The following MYO1B variants were observed in gnomAD, a reference collection of about 807,000 sequenced individuals.
MYO1B encodes myosin IB, also known as unconventional myosin-Ib.
MYO1B carries 72 observed loss-of-function variants against 159.7 expected under a neutral mutation model. The observed-to-expected ratio is 0.45, with a 90% CI of 0.37 to 0.55. The LOEUF (loss-of-function observed/expected upper bound fraction) is 0.55. MYO1B is among the 20% of genes least tolerant of loss of function. The pLI is 0.00. For synonymous variants in MYO1B, 468 were observed against 473.8 expected (o/e 0.99, Z 0.16); for missense variants, 1,062 against 1,364.8 (o/e 0.78, Z 3.50).
chr2:191,421,564 C>T (rs571314336), intron 30 of MYO1B, among the ~76,000 whole-genome samples: 2 of 152,190 alleles, frequency 1.3e-5, no homozygotes, highest in South Asian at 2.1e-4. Flanking sequence ...CCTCCTCTGC[C>T]TCCTAGCTGC....
In MYO1B at chr2:191,350,159, C is replaced by T. The variant is rs748283387; in HGVS notation, c.499-3C>T. ...GAAAACTCACAAAATCTTTCTTTGGCAGGGCAAATATATGGATATTGAATT... is the reference window on the plus strand; with the variant it reads ...GAAAACTCACAAAATCTTTCTTTGGTAGGGCAAATATATGGATATTGAATT... On this transcript the variant is annotated splice_polypyrimidine_tract_variant and splice_region_variant and intron_variant, in intron 6 of 30. Coordinates refer to ENST00000392318, the MANE Select transcript of MYO1B (RefSeq NM_001130158.3). 1 of 1,611,980 alleles carries T rather than the reference C, an allele frequency of 6.2e-7. No homozygotes were observed. The highest frequency in any genetic ancestry group is 1.1e-5 in the South Asian group (1 of 90,994).
chr2:191,393,491 C>T (rs1207958401), intron 20 of MYO1B, among the ~76,000 whole-genome samples: 6 of 152,282 alleles, frequency 3.9e-5, no homozygotes, highest in South Asian at 2.1e-4. Context: ...TGTGCCATAC[C>T]GCCTTTCACT....
intron 3 of MYO1B, among the ~76,000 whole-genome samples, chr2:191,305,644 A>C (rs960450720): frequency 1.3e-5 from 2 of 152,236 alleles, no homozygotes; most frequent in Non-Finnish European, 2.9e-5. Context: ...CTGATAAATA[A>C]ATACCGAAGG....
At chr2:191,265,642 T>C (rs955153753) in intron 1 of MYO1B, among the ~76,000 whole-genome samples, 1 of 151,876 alleles carries the variant, frequency 6.6e-6, no homozygotes, top group African/African-American at 2.4e-5. Context: ...CACTTAGGGG[T>C]TCCGGGGTCT....
At chr2:191,276,763 G>A in intron 1 of MYO1B, 124 bp from the exon 2 acceptor site, 1 of 1,164,032 alleles carries the variant, frequency 8.6e-7, no homozygotes, top group Non-Finnish European at 1.2e-6. Context: ...GAGAGGTTAT[G>A]ACATTTTTTA....
chr2:191,305,569 TGAG>T (rs1689600670), intron 3 of MYO1B, among the ~76,000 whole-genome samples: 4 of 152,156 alleles, frequency 2.6e-5, no homozygotes. Context: ...CACAACATGT[TGAG>T]GTGCTGGGAA....
intron 1 of MYO1B, among the ~76,000 whole-genome samples, chr2:191,267,892 C>T (rs1259960084): frequency 2.6e-5 from 4 of 152,168 alleles, no homozygotes; most frequent in African/African-American, 7.2e-5. Flanking sequence ...CAGTTATGAC[C>T]TGGAGTGGAA....
intron 1 of MYO1B, among the ~76,000 whole-genome samples, chr2:191,266,492 A>G (rs1332831181): frequency 6.6e-6 from 1 of 152,194 alleles, no homozygotes; most frequent in Non-Finnish European, 1.5e-5. Context: ...AGCCTTCTGT[A>G]ATATAGAAGC....
Position 191,383,360 on chromosome 2 carries a change from G to C in MYO1B, c.1353+18G>C. 2 of 1,513,380 alleles carry C rather than the reference G, an allele frequency of 1.3e-6. No individual in the cohort carries two copies. The highest frequency in any genetic ancestry group is 1.8e-6 in the Non-Finnish European group (2 of 1,122,952). The allele number at this position is 1,513,380 out of a possible 1,614,324, so 93.7% of individuals were successfully genotyped here. On this transcript the variant is annotated intron_variant, in intron 15 of 30. Coordinates refer to ENST00000392318, the MANE Select transcript of MYO1B (RefSeq NM_001130158.3). ...TAGAAAATGTGAGTACTTAGGTACA[G>C]TTTTCTAAAGAATGTTTTAGTCCTA...
rs180929367 is a variant in MYO1B at position 191,413,737 on chromosome 2, A to G, written c.2874-311A>G. On this transcript the variant is annotated intron_variant, in intron 27 of 30. Transcript: ENST00000392318. ...AAGAAATTGCCTTTTCCTTCACATG[A>G]GGCCATGTACTTGAGTCTTAGCTGT... Among the ~76,000 whole-genome samples the G allele has an allele frequency of 3.9e-5, 6 of 152,276 alleles. No individual in the cohort carries two copies. The East Asian group carries it at 1.2e-3, about 29-fold the overall frequency.
At chr2:191,346,618 G>A (rs1054118566) in intron 6 of MYO1B, among the ~76,000 whole-genome samples, 10 of 152,142 alleles carry the variant, frequency 6.6e-5, no homozygotes, top group African/African-American at 2.4e-4. Flanking sequence ...AAGATAAACT[G>A]GGTCTCAAGT....
intron 22 of MYO1B, 111 bp downstream of exon 22, chr2:191,400,579 CG>C: frequency 7.3e-7 from 1 of 1,376,996 alleles, no homozygotes; most frequent in Non-Finnish European, 1.0e-6. Flanking sequence ...CTACTGAGCA[CG>C]TGTTTGCTTC....
chr2:191,273,133 T>G (rs570966238), intron 1 of MYO1B, among the ~76,000 whole-genome samples: 1 of 152,216 alleles, frequency 6.6e-6, no homozygotes, highest in Non-Finnish European at 1.5e-5. Context: ...TCTTTTTTTC[T>G]TTTGAGACAG....
chr2:191,297,265 A>G (rs1689039266), intron 3 of MYO1B, among the ~76,000 whole-genome samples: 2 of 152,186 alleles, frequency 1.3e-5, no homozygotes, highest in African/African-American at 4.8e-5. Context: ...GTGGGCATGC[A>G]AGCATTTTTA....
chr2:191,253,171 G>T (rs556788313), intron 1 of MYO1B, among the ~76,000 whole-genome samples: 1 of 152,274 alleles, frequency 6.6e-6, no homozygotes, highest in Non-Finnish European at 1.5e-5. Flanking sequence ...AAGTTTCTTT[G>T]CAGAAAGACT....
At chr2:191,356,635 A>G (rs1275645809) in intron 7 of MYO1B, among the ~76,000 whole-genome samples, 1 of 152,212 alleles carries the variant, frequency 6.6e-6, no homozygotes, top group East Asian at 1.9e-4. Context: ...ATAGATCTAA[A>G]TTAACCTCAG....
In MYO1B at chr2:191,281,131, T is replaced by C. The variant is rs145682139; in HGVS notation, c.135+4101T>C. 1.7e-3 allele frequency among the ~76,000 whole-genome samples: 264 copies of C among 152,364 alleles called. 3 individuals carry two copies. Among genetic ancestry groups the C allele is most frequent in the Admixed American group, 0.015 (226 of 15,306 alleles). On this transcript the variant is annotated intron_variant, in intron 2 of 30. Transcript: ENST00000392318. ...TACCCCTTGTAACCCTTTGAGTAAG[T>C]TGCATGCTCCAGAAATATCTGTTCT...
chr2:191,315,901 T>C (rs1690316057), intron 3 of MYO1B, among the ~76,000 whole-genome samples: 1 of 152,214 alleles, frequency 6.6e-6, no homozygotes, highest in Non-Finnish European at 1.5e-5. Flanking sequence ...AGTGCAGAAT[T>C]CCCTTAGAAT....
chr2:191,326,813 TGTGC>T (rs1217840845), intron 3 of MYO1B, among the ~76,000 whole-genome samples: 2 of 143,990 alleles, frequency 1.4e-5, no homozygotes, highest in Non-Finnish European at 3.1e-5. Flanking sequence ...TGTGTGTGTG[TGTGC>T]GCGCGCCATA....
Sources: gnomAD v4.1 joint callset for allele counts (sites outside exome capture counted in the v4.1 genomes callset) on GRCh38, gnomAD v4.1.1 for gene constraint, MANE v1.5 for transcripts, NCBI Gene and HGNC (gene_info 2026-07-23, HGNC 2026-07-21) for gene names.